Variants in KCNAB1 observed in about 807,000 individuals in gnomAD.
KCNAB1 encodes the protein voltage-gated potassium channel subunit beta-1.
A neutral mutation model predicts 64.6 loss-of-function variants in KCNAB1; 35 were observed. The ratio of observed to expected loss-of-function variants is 0.54; its 90% CI spans 0.41 to 0.72. The LOEUF is 0.72. Ranked by LOEUF, KCNAB1 falls within the 30% of genes least tolerant of loss-of-function variation. The pLI, the probability that KCNAB1 is intolerant of heterozygous loss-of-function variation, is 0.00. For missense variants in KCNAB1, 401 were observed against 512.9 expected (o/e 0.78, Z 2.11); for synonymous variants, 177 against 183.8 (o/e 0.96, Z 0.30).
chr3:156,408,865 G>A (rs902977717), intron 1 of KCNAB1, among the ~76,000 whole-genome samples: 2 of 152,148 alleles, frequency 1.3e-5, no homozygotes, highest in African/African-American at 4.8e-5. Flanking sequence ...CCCATTAAGT[G>A]AAAAAGAAAA....
chr3:156,202,312 C>T (rs1432435913), intron 1 of KCNAB1, among the ~76,000 whole-genome samples: 1 of 152,198 alleles, frequency 6.6e-6, no homozygotes, highest in African/African-American at 2.4e-5. Context: ...CTTCAACTTA[C>T]CCATTCACCC....
intron 5 of KCNAB1, among the ~76,000 whole-genome samples, chr3:156,463,138 T>G (rs1713053625): frequency 6.6e-6 from 1 of 152,192 alleles, no homozygotes; most frequent in South Asian, 2.1e-4. Flanking sequence ...CATTTAAATG[T>G]CTATGTAGTC....
chr3:156,202,784 A>G (rs1317073685), intron 1 of KCNAB1, among the ~76,000 whole-genome samples: 1 of 151,640 alleles, frequency 6.6e-6, no homozygotes, highest in Non-Finnish European at 1.5e-5. Context: ...TCAATGTTGA[A>G]TTCTGAAAAA....
chr3:156,176,997 T>A (rs1364629063), intron 1 of KCNAB1: 1 of 628,872 alleles, frequency 1.6e-6, no homozygotes, highest in South Asian at 1.9e-5. Context: ...CTCCCATCCC[T>A]CAGTGCATAG....
intron 1 of KCNAB1, among the ~76,000 whole-genome samples, chr3:156,284,699 T>G (rs1337539589): frequency 3.3e-5 from 5 of 152,158 alleles, no homozygotes; most frequent in Non-Finnish European, 5.9e-5. Context: ...GTCGGAAAAG[T>G]GCAGTATTCG....
chr3:156,503,820 T>G (rs1171788047), intron 8 of KCNAB1, among the ~76,000 whole-genome samples: 1 of 152,200 alleles, frequency 6.6e-6, no homozygotes, highest in African/African-American at 2.4e-5. Flanking sequence ...CAGTGTGATA[T>G]TTTGCTACCT....
At chr3:156,141,644 G>A (rs1454179257) in intron 1 of KCNAB1, among the ~76,000 whole-genome samples, 1 of 151,896 alleles carries the variant, frequency 6.6e-6, no homozygotes, top group East Asian at 1.9e-4. Flanking sequence ...GTATGAATAT[G>A]CCACAGTTTA....
At chr3:156,491,690 A>T (rs915475496) in intron 8 of KCNAB1, among the ~76,000 whole-genome samples, 6 of 151,970 alleles carry the variant, frequency 3.9e-5, no homozygotes, top group African/African-American at 7.2e-5. Flanking sequence ...CTATATTCAT[A>T]AAAAAAATTA....
chr3:156,457,613 G>A (rs994011556), intron 4 of KCNAB1, 81 bp downstream of exon 4: 2 of 1,251,172 alleles, frequency 1.6e-6, no homozygotes, highest in Non-Finnish European at 2.3e-6. Context: ...CAGCATGTTG[G>A]TGAAAAGGTT....
intron 1 of KCNAB1, among the ~76,000 whole-genome samples, chr3:156,297,899 T>C (rs1266568537): frequency 6.6e-6 from 1 of 152,088 alleles, no homozygotes; most frequent in Non-Finnish European, 1.5e-5. Context: ...CAAACAGAAA[T>C]ATTTGATTTT....
chr3:156,495,220 G>C (rs1237003022), intron 8 of KCNAB1, among the ~76,000 whole-genome samples: 1 of 152,074 alleles, frequency 6.6e-6, no homozygotes, highest in Non-Finnish European at 1.5e-5. Context: ...TTTTGTGGCT[G>C]TATAGTATTC....
At chr3:156,232,432 T>C (rs996231210) in intron 1 of KCNAB1, among the ~76,000 whole-genome samples, 6 of 152,274 alleles carry the variant, frequency 3.9e-5, no homozygotes, top group South Asian at 2.1e-4. Flanking sequence ...AGGCTCTTAT[T>C]TGCTTCTGTC....
intron 2 of KCNAB1, among the ~76,000 whole-genome samples, chr3:156,451,840 T>G (rs959065055): frequency 2.0e-5 from 3 of 152,104 alleles, no homozygotes; most frequent in Non-Finnish European, 4.4e-5. Context: ...TGTCCCTTTC[T>G]TCTTCGTTCA....
At chr3:156,195,360 C>T (rs1386729257) in intron 1 of KCNAB1, among the ~76,000 whole-genome samples, 1 of 152,210 alleles carries the variant, frequency 6.6e-6, no homozygotes, top group African/African-American at 2.4e-5. Context: ...GGAATCGCCA[C>T]ACTGTCTTCC....
At chr3:156,200,745 A>G (rs187665089) in intron 1 of KCNAB1, among the ~76,000 whole-genome samples, 3 of 152,178 alleles carry the variant, frequency 2.0e-5, no homozygotes, top group African/African-American at 7.2e-5. Flanking sequence ...AGCTTGCTGC[A>G]CGATGTGGGA....
chr3:156,386,419 C>T (rs534838472), intron 1 of KCNAB1, among the ~76,000 whole-genome samples: 3 of 152,180 alleles, frequency 2.0e-5, no homozygotes, highest in African/African-American at 4.8e-5. Context: ...CTTGGAAGGT[C>T]GTTCTCTGCC....
intron 1 of KCNAB1, among the ~76,000 whole-genome samples, chr3:156,396,348 A>T (rs562849649): frequency 1.2e-4 from 19 of 152,380 alleles, no homozygotes; most frequent in African/African-American, 3.8e-4. Flanking sequence ...TTTTTAATTT[A>T]AAAACTATAA....
At chr3:156,283,082 A>G (rs1328303219) in intron 1 of KCNAB1, among the ~76,000 whole-genome samples, 1 of 151,848 alleles carries the variant, frequency 6.6e-6, no homozygotes, top group Non-Finnish European at 1.5e-5. Context: ...ACATTTTGGC[A>G]TGATTTTGCA....
intron 1 of KCNAB1, among the ~76,000 whole-genome samples, chr3:156,304,496 G>A (rs771518795): frequency 2.0e-5 from 3 of 152,138 alleles, no homozygotes; most frequent in Admixed American, 1.3e-4. Flanking sequence ...ACAGCTTCTG[G>A]CCTACTTCCT....
Sources: allele counts gnomAD v4.1 joint callset (sites outside exome capture counted in the v4.1 genomes callset), GRCh38; gene constraint gnomAD v4.1.1; transcripts MANE v1.5; gene names NCBI Gene and HGNC (gene_info 2026-07-23, HGNC 2026-07-21).